The following MAPRE3 variants were observed in gnomAD, a reference collection of about 807,000 sequenced individuals.
The protein encoded by MAPRE3 is microtubule associated protein RP/EB family member 3.
MAPRE3 carries 2 observed loss-of-function variants against 30.5 expected under a neutral mutation model. The observed-to-expected ratio is 0.07, with a 90% CI of 0.03 to 0.21. The LOEUF (loss-of-function observed/expected upper bound fraction) is 0.21, where lower values mean the gene tolerates loss of function less well. MAPRE3 is among the 10% of genes least tolerant of loss of function. The pLI is 1.00. For synonymous variants in MAPRE3, 110 were observed against 127.7 expected, an observed-to-expected ratio of 0.86 and a Z score of 0.93; for missense variants, 204 against 351.8, an observed-to-expected ratio of 0.58 and a Z score of 3.36.
intron 1 of MAPRE3, among the ~76,000 whole-genome samples, chr2:27,004,311 G>A (rs1666674131): frequency 6.6e-6 from 1 of 152,122 alleles, no homozygotes; most frequent in African/African-American, 2.4e-5. Flanking sequence ...TACTATTTAG[G>A]TAGTGCAATT....
At chr2:26,983,581 T>C (rs1666160837) in intron 1 of MAPRE3, among the ~76,000 whole-genome samples, 1 of 152,194 alleles carries the variant, frequency 6.6e-6, no homozygotes, top group South Asian at 2.1e-4. Flanking sequence ...CAAGGGTACT[T>C]AAGAAGATCC....
intron 1 of MAPRE3, among the ~76,000 whole-genome samples, chr2:26,998,384 A>G (rs1310265576): frequency 2.0e-5 from 3 of 152,196 alleles, no homozygotes; most frequent in Non-Finnish European, 4.4e-5. Context: ...GCTGCACAGA[A>G]CTGAAGTCAG....
At chr2:27,021,345 G>A (rs1029891639) in intron 1 of MAPRE3, among the ~76,000 whole-genome samples, 1 of 152,164 alleles carries the variant, frequency 6.6e-6, no homozygotes, top group African/African-American at 2.4e-5. Flanking sequence ...ATGAGGGAGA[G>A]TAAGCTGTCT....
In MAPRE3 at chr2:27,026,381, T is replaced by C; in HGVS notation, c.*33T>C. The stretch of plus-strand genomic sequence containing the variant: ...CGCAGCCCTGGCTGACTGCACAGCT[T>C]CCCCGTGCCTCCCTCCCTGCTCCAC... On this transcript the variant is annotated 3_prime_UTR_variant, in exon 7 of 7. Transcript: ENST00000233121. 1 of 1,534,134 alleles carries C rather than the reference T, an allele frequency of 6.5e-7. No individual in the cohort carries two copies. The highest frequency in any genetic ancestry group is 9.0e-7 in the Non-Finnish European group (1 of 1,114,928).
chr2:27,009,339 C>A (rs1425462219), intron 1 of MAPRE3, among the ~76,000 whole-genome samples: 13 of 152,160 alleles, frequency 8.5e-5, no homozygotes, highest in Non-Finnish European at 1.5e-5. Context: ...ATTATTTGTT[C>A]TGTTTTGCAA....
chr2:26,995,783 G>GTGTGTGTGTGTA (rs1286796341), intron 1 of MAPRE3, among the ~76,000 whole-genome samples: 225 of 127,126 alleles, frequency 1.8e-3, no homozygotes, highest in Non-Finnish European at 3.1e-3. Context: ...TAAGAGAGGT[G>GTGTGTGTGTGTA]TGTGTGTGTG....
At chr2:26,978,399 T>C (rs936953373) in intron 1 of MAPRE3, among the ~76,000 whole-genome samples, 2 of 152,140 alleles carry the variant, frequency 1.3e-5, no homozygotes, top group African/African-American at 4.8e-5. Context: ...AGCCAGGCCT[T>C]TCCGCAGCAC....
intron 1 of MAPRE3, among the ~76,000 whole-genome samples, chr2:26,975,323 C>T (rs1021291060): frequency 6.6e-6 from 1 of 152,134 alleles, no homozygotes; most frequent in Non-Finnish European, 1.5e-5. Flanking sequence ...CTTCTGCATC[C>T]GTGAGATCCA....
chr2:27,021,208 G>T (rs1572772869), intron 1 of MAPRE3, among the ~76,000 whole-genome samples: 1 of 152,282 alleles, frequency 6.6e-6, no homozygotes, highest in East Asian at 1.9e-4. Context: ...GGTATGGGGA[G>T]ATGTTCTGGA....
intron 1 of MAPRE3, among the ~76,000 whole-genome samples, chr2:26,993,323 T>C (rs1183425027): frequency 1.3e-5 from 2 of 152,104 alleles, no homozygotes; most frequent in East Asian, 3.9e-4. Flanking sequence ...TAAGCCGAGA[T>C]TGCGCCACTG....
chr2:27,021,366 C>G (rs547477986), intron 1 of MAPRE3, among the ~76,000 whole-genome samples: 2 of 152,184 alleles, frequency 1.3e-5, no homozygotes, highest in East Asian at 3.9e-4. Context: ...GGGATGACCC[C>G]GCAGGTTTCT....
chr2:27,007,324 G>T (rs551009549), intron 1 of MAPRE3, among the ~76,000 whole-genome samples: 3 of 152,156 alleles, frequency 2.0e-5, no homozygotes, highest in African/African-American at 7.2e-5. Context: ...ACTTGGTTAA[G>T]TTATCCTGTG....
intron 1 of MAPRE3, among the ~76,000 whole-genome samples, chr2:26,974,766 ACTAT>A (rs972987656): frequency 2.0e-5 from 3 of 152,242 alleles, no homozygotes; most frequent in East Asian, 1.9e-4. Context: ...TGGAATAATA[ACTAT>A]CTGTTTTACA....
At chr2:27,020,635 T>C (rs1667090950) in intron 1 of MAPRE3, among the ~76,000 whole-genome samples, 2 of 152,238 alleles carry the variant, frequency 1.3e-5, no homozygotes, top group South Asian at 2.1e-4. Flanking sequence ...AAATCCCAAG[T>C]TGTTAAACAT....
At chr2:26,972,365 C>T (rs1665931386) in intron 1 of MAPRE3, among the ~76,000 whole-genome samples, 1 of 152,258 alleles carries the variant, frequency 6.6e-6, no homozygotes, top group African/African-American at 2.4e-5. Flanking sequence ...GCAGCCTCCT[C>T]ATAGCCACTC....
rs369896405 is a variant in MAPRE3, at chr2:27,026,047, G to A, written c.777+15G>A. 4.5e-5 allele frequency: 72 copies of A among 1,613,706 alleles called. No homozygotes were observed. Among genetic ancestry groups the A allele is most frequent in the Non-Finnish European group, 5.9e-5 (70 of 1,179,900 alleles). On this transcript the variant is annotated intron_variant, in intron 6 of 6. Coordinates refer to ENST00000233121, the MANE Select transcript of MAPRE3 (RefSeq NM_012326.4). ...ATGCCACAGAGGTGAGCACTCCCAG[G>A]CCCATTGGGCCCTCCCCAGTCTGGC...
At chr2:26,976,623 C>T (rs565490867) in intron 1 of MAPRE3, among the ~76,000 whole-genome samples, 6 of 152,140 alleles carry the variant, frequency 3.9e-5, no homozygotes, top group East Asian at 1.9e-4. Flanking sequence ...TTTAGCATAA[C>T]GTCAGTGTTT....
At chr2:27,006,143 C>G (rs1666721464) in intron 1 of MAPRE3, among the ~76,000 whole-genome samples, 1 of 152,122 alleles carries the variant, frequency 6.6e-6, no homozygotes, top group African/African-American at 2.4e-5. Context: ...GATTGCACCA[C>G]TGCACTCTAG....
chr2:26,973,778 A>G (rs1320358538), intron 1 of MAPRE3, among the ~76,000 whole-genome samples: 1 of 151,832 alleles, frequency 6.6e-6, no homozygotes, highest in African/African-American at 2.4e-5. Flanking sequence ...GATGGTCTCC[A>G]TCTCCTGACC....
Sources: allele counts gnomAD v4.1 joint callset (sites outside exome capture counted in the v4.1 genomes callset), GRCh38; gene constraint gnomAD v4.1.1; transcripts MANE v1.5; gene names NCBI Gene and HGNC (gene_info 2026-07-23, HGNC 2026-07-21).